ARID1B: variants seen among roughly 807,000 people sequenced by gnomAD.
ARID1B encodes AT-rich interaction domain 1B, also known as AT-rich interactive domain-containing protein 1B.
A neutral mutation model predicts 212.3 loss-of-function variants in ARID1B; 30 were observed. The observed-to-expected ratio is 0.14, with a 90% CI of 0.11 to 0.19. The LOEUF (loss-of-function observed/expected upper bound fraction) is 0.19. Among genes scored for constraint, ARID1B ranks in the 10% least tolerant of loss-of-function variants. ARID1B has a pLI of 1.00. For synonymous variants in ARID1B, 1,402 were observed against 1,301.7 expected (o/e 1.08, Z -1.66); for missense variants, 2,891 against 3,204.0 (o/e 0.90, Z 2.36).
chr6:156,878,771 G>A (rs1786801567), intron 2 of ARID1B, among the ~76,000 whole-genome samples: 1 of 152,208 alleles, frequency 6.6e-6, no homozygotes, highest in Non-Finnish European at 1.5e-5. Context: ...CCAAATGGTT[G>A]GACAGGTGGT....
chr6:157,046,502 A>AG lies in ARID1B; in HGVS notation c.2248-38159dup. Among the ~76,000 whole-genome samples the AG allele has an allele frequency of 2.6e-5, 4 of 152,352 alleles. No homozygotes were observed. In the South Asian group the frequency reaches 8.3e-4, roughly 32 times the overall value. On this transcript the variant is annotated intron_variant, in intron 4 of 19. Transcript: ENST00000636930. The stretch of plus-strand genomic sequence containing the variant: ...TTGTGAGGTTGGAGAATTGATTTCT[A>AG]GACATCATTAAATTTATTTCCAGCT...
chr6:157,035,180 C>T (rs1224735761), intron 4 of ARID1B, among the ~76,000 whole-genome samples: 1 of 152,124 alleles, frequency 6.6e-6, no homozygotes, highest in Non-Finnish European at 1.5e-5. Flanking sequence ...GTTACATTGA[C>T]TTTTTATAAT....
At chr6:157,058,497 T>G (rs1444868743) in intron 4 of ARID1B, among the ~76,000 whole-genome samples, 3 of 152,082 alleles carry the variant, frequency 2.0e-5, no homozygotes, top group Non-Finnish European at 4.4e-5. Context: ...ACTCCTGACC[T>G]GAGGTGATCC....
intron 4 of ARID1B, among the ~76,000 whole-genome samples, chr6:156,948,687 G>A (rs1442583758): frequency 6.6e-6 from 1 of 152,134 alleles, no homozygotes; most frequent in Non-Finnish European, 1.5e-5. Context: ...TGTGTCTAAT[G>A]TCTAAGATTT....
At chr6:156,867,378 C>T (rs145645209) in intron 2 of ARID1B, among the ~76,000 whole-genome samples, 22 of 152,200 alleles carry the variant, frequency 1.4e-4, no homozygotes, top group African/African-American at 3.9e-4. Flanking sequence ...GGCTGAGTGC[C>T]GGAATCCATT....
At chr6:156,984,566 T>C (rs1777807545) in intron 4 of ARID1B, 1 of 152,204 alleles carries the variant, frequency 6.6e-6, no homozygotes, top group Admixed American at 6.5e-5. Context: ...AACACAGGAA[T>C]CTACAAGTGC....
chr6:157,071,596 G>A (rs1355403097), intron 4 of ARID1B: 1 of 152,160 alleles, frequency 6.6e-6, no homozygotes, highest in Non-Finnish European at 1.5e-5. Context: ...AGTTATTCCG[G>A]GCACAGGCGC....
Position 157,148,869 on chromosome 6 carries a change from C to A in ARID1B, c.3007C>A (p.Pro1003Thr), listed in dbSNP as rs1239914614. 2 of 1,612,964 alleles carry A rather than the reference C, an allele frequency of 1.2e-6. No homozygotes were observed. Among genetic ancestry groups the A allele is most frequent in the Non-Finnish European group, 1.7e-6 (2 of 1,180,008 alleles). Reference protein sequence around the residue: ...MSQQGGPGMGPPMPTVNRKAQ... With the variant: ...MSQQGGPGMGTPMPTVNRKAQ... ...TCAGCAGGGAGGGCCAGGAATGGGG[C>A]CGCCAATGCCAACTGTGAACCGTAA... The change falls in exon 8 of 20, where the codon CCG becomes ACG. Residue 1003 changes from proline to threonine, a missense_variant. By Grantham distance (38) the Pro-to-Thr change is conservative. This residue lies in a region of ARID1B where 1,643 missense variants were observed against 1,544.0 expected (regional missense o/e 1.06). Coordinates refer to ENST00000636930, the MANE Select transcript of ARID1B (RefSeq NM_001374828.1). The surrounding 1 kb of genome is among the most constrained non-coding windows in gnomAD (Gnocchi z 5.6).
At position 157,134,032 on chromosome 6, in the gene ARID1B, G is replaced by A. The variant is rs568180330; in HGVS notation, c.2761+825G>A. On this transcript the variant is annotated intron_variant, in intron 7 of 19. Transcript: ENST00000636930. ...TGAGTGGATAATTTAGAGAGAATGA[G>A]ATAATCTGGCACAATTCCCAGAGTT... Among the ~76,000 whole-genome samples the A allele has an allele frequency of 7.2e-5, 11 of 152,284 alleles. No individual in the cohort carries two copies. In the South Asian group the frequency reaches 2.3e-3, roughly 32 times the overall value.
At chr6:156,833,491 G>A (rs1234462733) in intron 2 of ARID1B, among the ~76,000 whole-genome samples, 1 of 151,938 alleles carries the variant, frequency 6.6e-6, no homozygotes, top group Non-Finnish European at 1.5e-5. Context: ...AACTATTCTT[G>A]CAGGTGTTTG....
intron 3 of ARID1B, among the ~76,000 whole-genome samples, chr6:156,925,811 A>T (rs1007078221): frequency 1.3e-5 from 2 of 152,162 alleles, no homozygotes; most frequent in Non-Finnish European, 2.9e-5. Context: ...CTGAACAGAT[A>T]ATGAACAGTA....
At chr6:157,090,019 C>T (rs577658070) in intron 5 of ARID1B, among the ~76,000 whole-genome samples, 2 of 152,308 alleles carry the variant, frequency 1.3e-5, no homozygotes, top group East Asian at 3.9e-4. Flanking sequence ...ATGGTGGAAG[C>T]TGACTCAGCA....
At chr6:157,197,855 G>A (rs534976178) in intron 16 of ARID1B, among the ~76,000 whole-genome samples, 2 of 152,170 alleles carry the variant, frequency 1.3e-5, no homozygotes, top group African/African-American at 4.8e-5. Flanking sequence ...TTTTACCCAT[G>A]TCAATTACAT....
intron 3 of ARID1B, among the ~76,000 whole-genome samples, chr6:156,914,521 A>C (rs1325976767): frequency 6.6e-6 from 1 of 152,190 alleles, no homozygotes; most frequent in Admixed American, 6.5e-5. Flanking sequence ...CTGGCCTCCA[A>C]ATACTGGCCC....
At position 156,778,790 on chromosome 6, in the gene ARID1B, C is replaced by G. The variant is rs773305123; in HGVS notation, c.1110C>G (p.His370Gln). The G allele has an allele frequency of 4.0e-6, 6 of 1,507,648 alleles. No homozygotes were observed. The highest frequency in any genetic ancestry group is 5.3e-6 in the Non-Finnish European group (6 of 1,125,826). The allele number at this position is 1,507,648 out of a possible 1,614,324, so 93.4% of individuals were successfully genotyped here. A position where few individuals can be genotyped will look rare whatever the true frequency, so the allele number is the denominator to read the frequency against. The change falls in exon 1 of 20, where the codon CAC (histidine) becomes CAG (glutamine). Residue 370 changes from histidine to glutamine, a missense_variant. Transcript: ENST00000636930. Reference sequence around the variant, plus strand: ...GCATGGACCCCCTGCAGAACTCCCACGAAGGGTACCCCAACAGCCAGTGCA... The same window carrying G: ...GCATGGACCCCCTGCAGAACTCCCAGGAAGGGTACCCCAACAGCCAGTGCA... ...PGSMDPLQNS[H>Q]EGYPNSQCNH...
At position 157,201,946 on chromosome 6, in the gene ARID1B, C is replaced by G. The variant is rs1302041045; in HGVS notation, c.5263+458C>G. ...TCACTACAATACGTGCCTAACAGAC[C>G]CCCCCATGAGGCTAATGAAATGCTA... On this transcript the variant is annotated intron_variant, in intron 18 of 19. Coordinates refer to ENST00000636930, the MANE Select transcript of ARID1B (RefSeq NM_001374828.1). The surrounding 1 kb of genome is among the most constrained non-coding windows in gnomAD (Gnocchi z 5.2). Among the ~76,000 whole-genome samples, 3 of 152,066 alleles carry G rather than the reference C, an allele frequency of 2.0e-5. No individual in the cohort carries two copies. Among genetic ancestry groups the G allele is most frequent in the Non-Finnish European group, 4.4e-5 (3 of 68,018 alleles).
intron 19 of ARID1B, chr6:157,205,644 G>C (rs1402366374): frequency 6.5e-6 from 1 of 153,602 alleles, no homozygotes; most frequent in Non-Finnish European, 1.4e-5. Flanking sequence ...GATATATAGA[G>C]AACATAAATT....
At chr6:157,168,934 C>G (rs1791517004) in intron 9 of ARID1B, 1 of 152,144 alleles carries the variant, frequency 6.6e-6, no homozygotes, top group Non-Finnish European at 1.5e-5. Flanking sequence ...CTGATTTTAT[C>G]CCACCTTGAT....
chr6:156,868,565 C>T (rs1394282892), intron 2 of ARID1B, among the ~76,000 whole-genome samples: 1 of 152,188 alleles, frequency 6.6e-6, no homozygotes, highest in Non-Finnish European at 1.5e-5. Context: ...TGCCATTGGG[C>T]TGTGTCCTCC....
Sources: allele counts gnomAD v4.1 joint callset (sites outside exome capture counted in the v4.1 genomes callset), GRCh38; gene constraint gnomAD v4.1.1; regional missense constraint gnomAD v4.1.1; non-coding constraint Gnocchi (gnomAD v3.1); transcripts MANE v1.5; gene names NCBI Gene and HGNC (gene_info 2026-07-23, HGNC 2026-07-21).